Variants in ASAP1 observed in about 807,000 individuals in gnomAD.
ASAP1 encodes the protein ArfGAP with SH3 domain, ankyrin repeat and PH domain 1.
ASAP1 carries 43 observed loss-of-function variants against 145.2 expected under a neutral mutation model. The ratio of observed to expected loss-of-function variants is 0.30; its 90% CI spans 0.23 to 0.38. The LOEUF is 0.38. Among genes scored for constraint, ASAP1 ranks in the 10% least tolerant of loss-of-function variants. ASAP1 has a pLI of 1.00. For missense variants in ASAP1, 1,018 were observed against 1,355.3 expected (o/e 0.75, Z 3.91); for synonymous variants, 546 against 515.5 (o/e 1.06, Z -0.80).
chr8:130,074,381 T>C (rs2097457031), intron 27 of ASAP1, among the ~76,000 whole-genome samples: 1 of 151,946 alleles, frequency 6.6e-6, no homozygotes, highest in Non-Finnish European at 1.5e-5. Flanking sequence ...TGCAGGATAC[T>C]ATTCTGTGTC....
In ASAP1 at chr8:130,159,878, T is replaced by C; in HGVS notation, c.996A>G (p.Leu332=). The change falls in exon 12 of 30, where the codon CTA becomes CTG. Residue 332 remains leucine, a synonymous_variant. Transcript: ENST00000518721. ...CTCATACATACCCGTCACTTTTCTTTAGCAGGTACCCCTTCTTTTCACTGC... is the reference window on the plus strand; with the variant it reads ...CTCATACATACCCGTCACTTTTCTTCAGCAGGTACCCCTTCTTTTCACTGC... ...EYGSEKKGYL[L]KKSDGIRKVW... is the part of the protein sequence containing the mutation. 6.2e-7 allele frequency: 1 copy of C among 1,613,978 alleles called. No homozygotes were observed. The highest frequency in any genetic ancestry group is 1.1e-5 in the South Asian group (1 of 91,084).
At chr8:130,112,882 C>T (rs115409963) in intron 23 of ASAP1, among the ~76,000 whole-genome samples, 26 of 152,268 alleles carry the variant, frequency 1.7e-4, no homozygotes, top group African/African-American at 4.1e-4. Context: ...CTGGTATTTG[C>T]GCTTGTGGTG....
chr8:130,095,378 G>A lies in ASAP1; in HGVS notation c.2402-3235C>T, dbSNP rs567885060. 4.9e-5 allele frequency among the ~76,000 whole-genome samples: 7 copies of A among 143,828 alleles called. 1 individual carries two copies. Among genetic ancestry groups the A allele is most frequent in the Middle Eastern group, 3.9e-3 (1 of 258 alleles). The allele number at this position is 143,828 out of a possible 152,430, so 94.4% of individuals were successfully genotyped here. Reference sequence around the variant, plus strand: ...TGCAGTGGCGTGATCTTGGCTCACCGTGACCTCCCCCTCCTGGGTTCAAGT... The same window carrying A: ...TGCAGTGGCGTGATCTTGGCTCACCATGACCTCCCCCTCCTGGGTTCAAGT... On this transcript the variant is annotated intron_variant, in intron 24 of 29. Transcript: ENST00000518721.
At chr8:130,439,952 G>A (rs1442094109) in intron 1 of ASAP1, among the ~76,000 whole-genome samples, 2 of 152,136 alleles carry the variant, frequency 1.3e-5, no homozygotes, top group South Asian at 2.1e-4. Flanking sequence ...TTTTCTCCAT[G>A]AGCATAATCC....
At chr8:130,166,291 G>T (rs549633764) in intron 11 of ASAP1, among the ~76,000 whole-genome samples, 1 of 152,204 alleles carries the variant, frequency 6.6e-6, no homozygotes. Context: ...TTACAGGCAT[G>T]AGCCACTGCT....
rs1333515760 is a variant in ASAP1, at chr8:130,276,760, T to TCTCTCTCTCTCTCTCTCC, written c.187-39767_187-39766insGGAGAGAGAGAGAGAGAG. ...CTCTCTCTCTCTCTCTCTCTCTCTC[T>TCTCTCTCTCTCTCTCTCC]CCTCTAACAAAAAAGCTCCATGGCA... On this transcript the variant is annotated intron_variant, in intron 3 of 29. Transcript: ENST00000518721. Among the ~76,000 whole-genome samples, 107 of 130,328 alleles carry TCTCTCTCTCTCTCTCTCC rather than the reference T, an allele frequency of 8.2e-4. No homozygotes were observed. The East Asian group carries it at 9.7e-3, about 12-fold the overall frequency. The allele number at this position is 130,328 out of a possible 152,430, so 85.5% of individuals were successfully genotyped here. A position where few individuals can be genotyped will look rare whatever the true frequency, so the allele number is the denominator to read the frequency against.
chr8:130,185,447 C>A (rs1157653046), intron 7 of ASAP1, among the ~76,000 whole-genome samples: 1 of 151,936 alleles, frequency 6.6e-6, no homozygotes, highest in Admixed American at 6.6e-5. Context: ...AAATGAACAG[C>A]CAGGCCGGGC....
intron 1 of ASAP1, among the ~76,000 whole-genome samples, chr8:130,403,628 T>C (rs113984494): frequency 2.7e-5 from 4 of 150,170 alleles, no homozygotes; most frequent in Admixed American, 1.3e-4. Context: ...TCTTGGCTCA[T>C]TGCAACCTCC....
chr8:130,277,406 T>C (rs1303950526), intron 3 of ASAP1, among the ~76,000 whole-genome samples: 1 of 152,132 alleles, frequency 6.6e-6, no homozygotes, highest in African/African-American at 2.4e-5. Context: ...ATGAAGCAGA[T>C]GAAGTTGAGA....
chr8:130,379,120 T>C (rs1235915748), intron 2 of ASAP1, among the ~76,000 whole-genome samples: 1 of 152,116 alleles, frequency 6.6e-6, no homozygotes, highest in African/African-American at 2.4e-5. Flanking sequence ...ATCATGCCTA[T>C]GTAATGAAAC....
chr8:130,134,237 TA>T (rs1242469042), intron 15 of ASAP1, 58 bp downstream of exon 15: 7 of 1,340,556 alleles, frequency 5.2e-6, no homozygotes, highest in Non-Finnish European at 7.2e-6. Flanking sequence ...ATGTGTATTG[TA>T]AACAGAGAGG....
chr8:130,278,129 C>T (rs1300512745), intron 3 of ASAP1, among the ~76,000 whole-genome samples: 1 of 151,694 alleles, frequency 6.6e-6, no homozygotes, highest in Non-Finnish European at 1.5e-5. Flanking sequence ...TACCAATATC[C>T]CTCAAACCAT....
At chr8:130,215,571 A>C (rs930250605) in intron 4 of ASAP1, among the ~76,000 whole-genome samples, 7 of 152,082 alleles carry the variant, frequency 4.6e-5, no homozygotes, top group Admixed American at 6.5e-5. Flanking sequence ...GTGAAACCCC[A>C]TCTCTACTAA....
intron 1 of ASAP1, among the ~76,000 whole-genome samples, chr8:130,415,768 G>GA (rs1829451463): frequency 7.2e-6 from 1 of 138,348 alleles, no homozygotes. Flanking sequence ...CAACAAGAGT[G>GA]AAACTCCATC....
chr8:130,110,197 G>A (rs77227093), intron 24 of ASAP1, among the ~76,000 whole-genome samples: 11 of 152,320 alleles, frequency 7.2e-5, no homozygotes, highest in African/African-American at 2.2e-4. Flanking sequence ...AATTACAGAA[G>A]GGGGTGGAGG....
intron 18 of ASAP1, among the ~76,000 whole-genome samples, chr8:130,121,238 G>A (rs888700530): frequency 2.2e-4 from 34 of 152,118 alleles, no homozygotes; most frequent in Admixed American, 1.4e-3. Context: ...CCCAGGCCCC[G>A]CCACACTCCC....
intron 1 of ASAP1, among the ~76,000 whole-genome samples, chr8:130,435,561 G>C (rs555653084): frequency 6.6e-6 from 1 of 152,144 alleles, no homozygotes; most frequent in African/African-American, 2.4e-5. Context: ...TCTCCAAAAA[G>C]GCAATTTTTA....
At chr8:130,361,039 C>A in intron 2 of ASAP1, 1 of 154,996 alleles carries the variant, frequency 6.5e-6, no homozygotes, top group Non-Finnish European at 1.4e-5. Context: ...GCCTTCCTTC[C>A]TCTAGGCTGG....
At chr8:130,442,625 G>T (rs1275312780) in intron 1 of ASAP1, among the ~76,000 whole-genome samples, 1 of 152,126 alleles carries the variant, frequency 6.6e-6, no homozygotes, top group African/African-American at 2.4e-5. Flanking sequence ...GCGAGAGAAA[G>T]TTCTTTTGCT....
Sources: allele counts gnomAD v4.1 joint callset (sites outside exome capture counted in the v4.1 genomes callset), GRCh38; gene constraint gnomAD v4.1.1; transcripts MANE v1.5; gene names NCBI Gene and HGNC (gene_info 2026-07-23, HGNC 2026-07-21).